A2M: variants seen among roughly 807,000 people sequenced by gnomAD.
A2M encodes the protein alpha-2-macroglobulin.
In A2M, 128 loss-of-function variants were observed where a neutral mutation model predicts 183.9. The ratio of observed to expected loss-of-function variants is 0.70; its 90% CI spans 0.60 to 0.81. The LOEUF is 0.81. Ranked by LOEUF, A2M falls within the 30% of genes least tolerant of loss-of-function variation. The probability of loss-of-function intolerance (pLI) is 0.00; values close to 1 mark genes in which losing one functional copy is unlikely to be tolerated. For missense variants in A2M, 1,495 were observed against 1,787.6 expected (o/e 0.84, Z 2.95); for synonymous variants, 592 against 670.8 (o/e 0.88, Z 1.81).
At position 9,095,566 on chromosome 12, in the gene A2M, A is replaced by G. The variant is rs1159505608; in HGVS notation, c.1986T>C (p.Asn662=). 6.2e-7 allele frequency: 1 copy of G among 1,612,592 alleles called. No individual in the cohort carries two copies. Among genetic ancestry groups the G allele is most frequent in the Admixed American group, 1.7e-5 (1 of 59,950 alleles). Reference sequence around the variant, plus strand: ...CTAGGAAGCTGTACATATCCTTTTCATTTGTACTTGATACTGGAGTATATG... The same window carrying G: ...CTAGGAAGCTGTACATATCCTTTTCGTTTGTACTTGATACTGGAGTATATG... The part of the protein sequence containing the change: ...GITYTPVSST[N]EKDMYSFLED... Residue 662 remains asparagine (N), a synonymous_variant, in exon 16 of 36, where the codon AAT becomes AAC. Coordinates refer to ENST00000318602, the MANE Select transcript of A2M (RefSeq NM_000014.6).
intron 18 of A2M, among the ~76,000 whole-genome samples, chr12:9,093,219 T>C (rs941554505): frequency 2.6e-5 from 4 of 152,190 alleles, no homozygotes; most frequent in African/African-American, 9.7e-5. Flanking sequence ...GAAACTTGGC[T>C]AAGAGGATAG....
intron 4 of A2M, 128 bp from the exon 5 acceptor site, chr12:9,110,462 A>G (rs1278499278): frequency 5.8e-6 from 3 of 517,140 alleles, no homozygotes; most frequent in Non-Finnish European, 9.9e-6. Context: ...TTAATTGTAC[A>G]TTTAAAAATA....
chr12:9,112,367 T>A lies in A2M; in HGVS notation c.430+10A>T, dbSNP rs1654077055. The A allele has an allele frequency of 9.3e-6, 15 of 1,611,882 alleles. No homozygotes were observed. The highest frequency in any genetic ancestry group is 1.3e-5 in the Non-Finnish European group (15 of 1,178,342). ...TTTTGAAGTTGTCCTGTCTGTAGGC[T>A]TCTTCATACCTGTCTGCCCTGGTTT... On this transcript the variant is annotated intron_variant, in intron 3 of 35. Coordinates refer to ENST00000318602, the MANE Select transcript of A2M (RefSeq NM_000014.6).
In A2M at chr12:9,095,048, G is replaced by A. The variant is rs763610152; in HGVS notation, c.2050C>T (p.Arg684Cys). The A allele has an allele frequency of 2.5e-6, 4 of 1,594,494 alleles. No individual in the cohort carries two copies. The South Asian group carries it at 3.5e-5, about 14-fold the overall frequency. Residue 684 changes from arginine to cysteine, a missense_variant, in exon 17 of 36, where the codon CGT becomes TGT. Coordinates refer to ENST00000318602, the MANE Select transcript of A2M (RefSeq NM_000014.6). ...GLKAFTNSKI[R>C]KPKMCPQLQQ... ...AGCTGTGGACACATTTTGGGTTTAC[G>A]AATCTTTGAGTTGGTGAATGCCTTT...
intron 22 of A2M, among the ~76,000 whole-genome samples, chr12:9,082,290 G>A (rs983973450): frequency 3.3e-5 from 5 of 152,090 alleles, no homozygotes; most frequent in African/African-American, 4.8e-5. Flanking sequence ...CTAACTTCAG[G>A]TCCCAAATAG....
chr12:9,101,147 C>T lies in A2M; in HGVS notation c.1555G>A (p.Asp519Asn). The change falls in exon 13 of 36, where the codon GAC (aspartate) becomes AAC (asparagine). Residue 519 changes from aspartate (D) to asparagine (N), a missense_variant. Physicochemically the swap from Asp to Asn is conservative, Grantham distance 23 (BLOSUM62 1). Coordinates refer to ENST00000318602, the MANE Select transcript of A2M (RefSeq NM_000014.6). ...GTHGLLVKQE[D>N]MKGHFSISIP... ...CAGAGATGATGGAAATACTCACTGT[C>T]TTCCTGCTTCACAAGCAGTCCATGA... 6.4e-7 allele frequency: 1 copy of T among 1,559,312 alleles called. No individual in the cohort carries two copies. Among genetic ancestry groups the T allele is most frequent in the Non-Finnish European group, 8.7e-7 (1 of 1,150,896 alleles).
intron 10 of A2M, 72 bp from the exon 11 acceptor site, chr12:9,104,472 A>T: frequency 6.8e-7 from 1 of 1,461,274 alleles, no homozygotes; most frequent in Admixed American, 2.2e-5. Context: ...CATTTATCAC[A>T]TTTTTTAGTG....
Position 9,109,969 on chromosome 12 carries a change from A to G in A2M, c.571T>C (p.Ser191Pro), listed in dbSNP as rs889916948. Residue 191 changes from serine to proline, a missense_variant, in exon 6 of 36, where the codon TCT becomes CCT. Physicochemically the swap from Ser to Pro is moderately conservative, Grantham distance 74 (BLOSUM62 -1). Transcript: ENST00000318602. ...FQLEGGLKQF[S>P]FPLSSEPFQG... is the part of the protein sequence containing the mutation. ...AAGGGCTCTGATGAGAGGGGAAAAGAAAATTGCTTGAGGCCACCCTCTAAC... is the reference window on the plus strand; with the variant it reads ...AAGGGCTCTGATGAGAGGGGAAAAGGAAATTGCTTGAGGCCACCCTCTAAC... 1.2e-6 allele frequency: 2 copies of G among 1,613,880 alleles called. No homozygotes were observed. The highest frequency in any genetic ancestry group is 1.7e-6 in the Non-Finnish European group (2 of 1,179,842).
chr12:9,084,333 C>A (rs1450316117), intron 22 of A2M, among the ~76,000 whole-genome samples: 2 of 152,090 alleles, frequency 1.3e-5, no homozygotes, highest in East Asian at 3.9e-4. Flanking sequence ...AATTTTATCT[C>A]TAGTACAAGG....
Position 9,112,388 on chromosome 12 carries a change from G to C in A2M, c.419C>G (p.Pro140Arg), listed in dbSNP as rs1425250761. 2 of 1,613,596 alleles carry C rather than the reference G, an allele frequency of 1.2e-6. No homozygotes were observed. Among genetic ancestry groups the C allele is most frequent in the Non-Finnish European group, 1.7e-6 (2 of 1,179,718 alleles). Residue 140 changes from proline to arginine, a missense_variant, in exon 3 of 36, where the codon CCA becomes CGA. Pro to Arg is a moderately radical substitution (Grantham distance 103, BLOSUM62 -2). Coordinates refer to ENST00000318602, the MANE Select transcript of A2M (RefSeq NM_000014.6). The part of the protein sequence containing the change: ...FVQTDKSIYK[P>R]GQTVKFRVVS... ...AGGCTTCTTCATACCTGTCTGCCCT[G>C]GTTTGTAGATTGATTTGTCTGTCTG... is the stretch of plus-strand genomic sequence containing the variant.
chr12:9,072,305 A>C, intron 31 of A2M, 54 bp downstream of exon 31: 1 of 1,594,140 alleles, frequency 6.3e-7, no homozygotes, highest in Non-Finnish European at 8.5e-7. Flanking sequence ...GGAGTTCCCG[A>C]AAGAAGACTG....
At chr12:9,114,239 A>G (rs951030473) in intron 1 of A2M, among the ~76,000 whole-genome samples, 1 of 152,248 alleles carries the variant, frequency 6.6e-6, no homozygotes, top group African/African-American at 2.4e-5. Context: ...ACTCATGTGC[A>G]GTACAGAAAC....
At chr12:9,096,279 G>A (rs1213668396) in intron 15 of A2M, among the ~76,000 whole-genome samples, 2 of 152,088 alleles carry the variant, frequency 1.3e-5, no homozygotes, top group South Asian at 2.1e-4. Flanking sequence ...CAGTTCAGAG[G>A]CCACCACTAG....
intron 1 of A2M, 189 bp downstream of exon 1, chr12:9,115,575 C>G (rs758269837): frequency 9.2e-6 from 5 of 544,606 alleles, no homozygotes; most frequent in African/African-American, 1.9e-5. Context: ...ATTAGAGCTT[C>G]AGAGAGTTGG....
intron 31 of A2M, among the ~76,000 whole-genome samples, chr12:9,071,413 AC>A (rs1467212118): frequency 1.3e-5 from 2 of 151,966 alleles, no homozygotes; most frequent in Admixed American, 6.6e-5. Context: ...ATATATATAC[AC>A]CAAATTAAAT....
chr12:9,114,404 A>G (rs1335456449), intron 1 of A2M, among the ~76,000 whole-genome samples: 2 of 152,186 alleles, frequency 1.3e-5, no homozygotes, highest in African/African-American at 2.4e-5. Context: ...ATAGCAAAAG[A>G]TATTATTTTT....
chr12:9,104,803 A>G (rs1342152889), intron 10 of A2M, among the ~76,000 whole-genome samples: 1 of 152,212 alleles, frequency 6.6e-6, no homozygotes, highest in East Asian at 1.9e-4. Flanking sequence ...ATTTTAATCT[A>G]TTAATCTATT....
At chr12:9,100,867 T>C (rs1381931133) in intron 13 of A2M, among the ~76,000 whole-genome samples, 1 of 151,956 alleles carries the variant, frequency 6.6e-6, no homozygotes, top group Non-Finnish European at 1.5e-5. Context: ...TGCAAAGGCA[T>C]AAGAATGATA....
intron 22 of A2M, among the ~76,000 whole-genome samples, chr12:9,086,798 C>G (rs988219544): frequency 8.6e-5 from 13 of 152,028 alleles, no homozygotes; most frequent in African/African-American, 2.7e-4. Context: ...AGCAATCAAA[C>G]ATGAAAAAGA....
Sources: gnomAD v4.1 joint callset for allele counts (sites outside exome capture counted in the v4.1 genomes callset) on GRCh38, gnomAD v4.1.1 for gene constraint, MANE v1.5 for transcripts, NCBI Gene and HGNC (gene_info 2026-07-23, HGNC 2026-07-21) for gene names.